DIAPH2: variants seen among roughly 807,000 people sequenced by gnomAD.
DIAPH2 encodes protein diaphanous homolog 2.
A neutral mutation model predicts 92.7 loss-of-function variants in DIAPH2; 35 were observed. The ratio of observed to expected loss-of-function variants is 0.38; its 90% CI spans 0.29 to 0.50. DIAPH2 has a LOEUF of 0.50. DIAPH2 is among the 20% of genes least tolerant of loss of function. The probability of loss-of-function intolerance (pLI) is 0.94; values close to 1 mark genes in which losing one functional copy is unlikely to be tolerated. For missense variants in DIAPH2, 701 were observed against 819.5 expected (o/e 0.86, Z 1.77); for synonymous variants, 301 against 280.4 (o/e 1.07, Z -0.73).
At chrX:96,915,343 G>A (rs1266184835) in intron 7 of DIAPH2, among the ~76,000 whole-genome samples, 5 of 109,170 alleles carry the variant, frequency 4.6e-5, no homozygotes, top group Admixed American at 9.8e-5. Context: ...ATCATCTACT[G>A]GCCACCTTTA....
chrX:97,172,206 T>C (rs1413032783), intron 22 of DIAPH2, among the ~76,000 whole-genome samples: 2 of 112,386 alleles, frequency 1.8e-5, no homozygotes, highest in Non-Finnish European at 3.8e-5. Flanking sequence ...GAATTCTATT[T>C]TCTGCAATAG....
chrX:97,224,041 T>C (rs1329315648), intron 22 of DIAPH2, among the ~76,000 whole-genome samples: 1 of 111,758 alleles, frequency 8.9e-6, no homozygotes, highest in African/African-American at 3.2e-5. Context: ...TGCTGTTTAA[T>C]TTGTTTGGGG....
At chrX:97,236,176 T>G (rs2068046508) in intron 22 of DIAPH2, among the ~76,000 whole-genome samples, 1 of 111,700 alleles carries the variant, frequency 9.0e-6, no homozygotes, top group Non-Finnish European at 1.9e-5. Context: ...TTCGTGGCTT[T>G]GTATATGTTA....
chrX:97,240,968 G>A (rs2068088676), intron 22 of DIAPH2, among the ~76,000 whole-genome samples: 1 of 111,365 alleles, frequency 9.0e-6, no homozygotes, highest in South Asian at 3.8e-4. Flanking sequence ...GCTGAGATTA[G>A]AACCTAGGTC....
chrX:96,842,402 C>A (rs2064942526), intron 4 of DIAPH2, among the ~76,000 whole-genome samples: 1 of 111,949 alleles, frequency 8.9e-6, no homozygotes, highest in Non-Finnish European at 1.9e-5. Flanking sequence ...TGCTAGACAT[C>A]ATGCTAGGTA....
intron 16 of DIAPH2, among the ~76,000 whole-genome samples, chrX:96,964,374 C>T (rs1494128): frequency 0.033 from 3,667 of 111,556 alleles, 149 homozygotes; most frequent in African/African-American, 0.11. Context: ...TTAATGTAGT[C>T]GTATGCTTCC....
intron 1 of DIAPH2, among the ~76,000 whole-genome samples, chrX:96,707,686 C>G (rs934065394): frequency 9.1e-6 from 1 of 109,660 alleles, no homozygotes; most frequent in Non-Finnish European, 1.9e-5. Context: ...ATGTACTCGT[C>G]TCAAAAGAAA....
chrX:97,180,621 G>A (rs2147464015), intron 22 of DIAPH2, among the ~76,000 whole-genome samples: 1 of 111,493 alleles, frequency 9.0e-6, no homozygotes, highest in South Asian at 3.8e-4. Context: ...TTTCTTCTAG[G>A]GTTTTTATGG....
At chrX:96,834,466 T>C (rs2064874981) in intron 4 of DIAPH2, among the ~76,000 whole-genome samples, 1 of 111,911 alleles carries the variant, frequency 8.9e-6, no homozygotes, top group Admixed American at 9.6e-5. Context: ...TTTCCTGAGT[T>C]TCTAGTAATT....
At chrX:96,924,693 G>GCAAGGGGGAAGACCGCCCC (rs2065568414) in intron 9 of DIAPH2, among the ~76,000 whole-genome samples, 1 of 111,377 alleles carries the variant, frequency 9.0e-6, no homozygotes, top group East Asian at 2.8e-4. Flanking sequence ...TGTACAGGAA[G>GCAAGGGGGAAGACCGCCCC]CATGACTGGG....
intron 5 of DIAPH2, among the ~76,000 whole-genome samples, chrX:96,906,730 G>C (rs759725761): frequency 8.9e-6 from 1 of 112,111 alleles, no homozygotes; most frequent in Non-Finnish European, 1.9e-5. Flanking sequence ...TCCAATGATG[G>C]ATGATGGAAT....
At chrX:96,699,359 CTG>C (rs973850614) in intron 1 of DIAPH2, among the ~76,000 whole-genome samples, 2 of 111,527 alleles carry the variant, frequency 1.8e-5, no homozygotes, top group Non-Finnish European at 3.8e-5. Flanking sequence ...GTCCCAAAAA[CTG>C]TGTTGTTCTT....
intron 11 of DIAPH2, among the ~76,000 whole-genome samples, chrX:96,938,249 A>G (rs992732509): frequency 4.5e-5 from 5 of 111,719 alleles, no homozygotes; most frequent in Non-Finnish European, 9.4e-5. Flanking sequence ...AGTCTTACAC[A>G]TAGGTATTGG....
intron 3 of DIAPH2, among the ~76,000 whole-genome samples, chrX:96,745,179 G>A (rs2147578987): frequency 9.1e-6 from 1 of 109,526 alleles, no homozygotes; most frequent in Non-Finnish European, 1.9e-5. Flanking sequence ...GCTAATTTTG[G>A]ATTTTTATTA....
At chrX:97,054,886 A>G (rs1021271344) in intron 17 of DIAPH2, among the ~76,000 whole-genome samples, 6 of 111,173 alleles carry the variant, frequency 5.4e-5, no homozygotes, top group African/African-American at 2.0e-4. Context: ...TGCAAAACAA[A>G]ACAAAAATCG....
chrX:97,449,713 C>T lies in DIAPH2; in HGVS notation c.3241+19968C>T, dbSNP rs183006908. On this transcript the variant is annotated intron_variant, in intron 26 of 26. Coordinates refer to ENST00000324765, the MANE Select transcript of DIAPH2 (RefSeq NM_006729.5). ...TCAGACGACAAGCAAGGAGTGAGAG[C>T]TGCAGCCAAAGGGACAAAGAGTGGG... is the stretch of plus-strand genomic sequence containing the variant. 6.8e-6 allele frequency: 5 copies of T among 734,966 alleles called. No individual in the cohort carries two copies. The East Asian group carries it at 7.7e-4, about 113-fold the overall frequency. The allele number at this position is 734,966 out of a possible 1,213,427, so 60.6% of individuals were successfully genotyped here.
chrX:97,368,722 C>G (rs1481665974), intron 24 of DIAPH2, among the ~76,000 whole-genome samples: 2 of 109,996 alleles, frequency 1.8e-5, no homozygotes, highest in African/African-American at 6.6e-5. Flanking sequence ...TTGGCTATCA[C>G]ATATGCATGC....
At chrX:97,075,709 CTGTT>C (rs1371131252) in intron 19 of DIAPH2, among the ~76,000 whole-genome samples, 1 of 111,898 alleles carries the variant, frequency 8.9e-6, no homozygotes, top group African/African-American at 3.3e-5. Context: ...TTACCCAACT[CTGTT>C]TGGGTACATA....
intron 18 of DIAPH2, among the ~76,000 whole-genome samples, chrX:97,074,857 A>T (rs1037631910): frequency 8.9e-6 from 1 of 112,040 alleles, no homozygotes; most frequent in Non-Finnish European, 1.9e-5. Flanking sequence ...TTAAGTTTTC[A>T]TGGGTCATTT....
Sources: gnomAD v4.1 joint callset for allele counts (sites outside exome capture counted in the v4.1 genomes callset) on GRCh38, gnomAD v4.1.1 for gene constraint, MANE v1.5 for transcripts, NCBI Gene and HGNC (gene_info 2026-07-23, HGNC 2026-07-21) for gene names.